The following RBM33 variants were observed in gnomAD, a reference collection of about 807,000 sequenced individuals.
The protein encoded by RBM33 is RNA-binding protein 33.
Under a neutral mutation model 132.6 loss-of-function variants are expected in RBM33, and 28 were observed. That is an observed-to-expected ratio of 0.21 (90% CI 0.16 to 0.29). The LOEUF (loss-of-function observed/expected upper bound fraction) is 0.29, where lower values mean the gene tolerates loss of function less well. Ranked by LOEUF, RBM33 falls within the 10% of genes least tolerant of loss-of-function variation. The probability of loss-of-function intolerance (pLI) is 1.00; values close to 1 mark genes in which losing one functional copy is unlikely to be tolerated. For missense variants in RBM33, 1,291 were observed against 1,518.5 expected, an observed-to-expected ratio of 0.85 and a Z score of 2.49; for synonymous variants, 634 against 593.0, an observed-to-expected ratio of 1.07 and a Z score of -1.01.
rs1234804201 is a variant in RBM33, at chr7:155,775,916, C to CATG, written c.*877_*879dup. ...CCTGTTTATCACTGGCTCTGTGATA[C>CATG]ATGACATTCTTTGGGAATTTGGTGG... is the stretch of plus-strand genomic sequence containing the variant. On this transcript the variant is annotated 3_prime_UTR_variant, in exon 18 of 18. Coordinates refer to ENST00000401878, the MANE Select transcript of RBM33 (RefSeq NM_053043.3). 2 of 152,238 alleles carry CATG rather than the reference C, an allele frequency of 1.3e-5. No homozygotes were observed. Among genetic ancestry groups the CATG allele is most frequent in the Non-Finnish European group, 2.9e-5 (2 of 68,074 alleles). 9.4% of individuals were successfully genotyped at this position (152,238 alleles called of 1,614,324 possible).
At chr7:155,661,924 A>C (rs576233116) in intron 1 of RBM33, among the ~76,000 whole-genome samples, 3 of 151,874 alleles carry the variant, frequency 2.0e-5, no homozygotes, top group Non-Finnish European at 2.9e-5. Flanking sequence ...TTTCTTCCAT[A>C]TCTTGTAATT....
intron 13 of RBM33, 59 bp downstream of exon 13, chr7:155,742,165 T>C (rs989861372): frequency 5.4e-6 from 8 of 1,472,006 alleles, no homozygotes; most frequent in African/African-American, 2.8e-5. Flanking sequence ...TAGAATCAAC[T>C]TGGATGTCTT....
Position 155,728,238 on chromosome 7 carries a change from C to A in RBM33, c.1261-9292C>A, listed in dbSNP as rs543666706. ...CCGTCATGACTTCTTCCTGATTGGA[C>A]TGGATTTATCTACCATTCAGTTGCT... On this transcript the variant is annotated intron_variant, in intron 9 of 17. Coordinates refer to ENST00000401878, the MANE Select transcript of RBM33 (RefSeq NM_053043.3). Among the ~76,000 whole-genome samples, 6 of 152,288 alleles carry A rather than the reference C, an allele frequency of 3.9e-5. No individual in the cohort carries two copies. The South Asian group carries it at 1.2e-3, about 32-fold the overall frequency.
intron 3 of RBM33, among the ~76,000 whole-genome samples, chr7:155,675,789 C>T (rs933756874): frequency 6.6e-6 from 1 of 152,132 alleles, no homozygotes; most frequent in Non-Finnish European, 1.5e-5. Flanking sequence ...TTTAATGGTT[C>T]TTGTCTTGTA....
rs750565338 is a variant in RBM33, at chr7:155,739,930, G to A, written c.1953G>A (p.Pro651=). Residue 651 remains proline (P), a synonymous_variant, in exon 12 of 18, where the codon CCG becomes CCA. Coordinates refer to ENST00000401878, the MANE Select transcript of RBM33 (RefSeq NM_053043.3). ...HLSVPPPPLM[P]MSQPQFRPHV... ...CCGTCCCGCCCCCTCCTTTGATGCCGATGTCTCAGCCACAGTTCCGGCCTC... is the reference window on the plus strand; with the variant it reads ...CCGTCCCGCCCCCTCCTTTGATGCCAATGTCTCAGCCACAGTTCCGGCCTC... The A allele has an allele frequency of 1.9e-5, 30 of 1,551,404 alleles. No homozygotes were observed. Among genetic ancestry groups the A allele is most frequent in the Admixed American group, 5.9e-5 (3 of 50,848 alleles).
chr7:155,693,014 G>C (rs1036961796), intron 5 of RBM33, among the ~76,000 whole-genome samples: 8 of 152,152 alleles, frequency 5.3e-5, no homozygotes, highest in African/African-American at 1.9e-4. Flanking sequence ...TAAAGAGCAA[G>C]ATGATAGAAT....
chr7:155,718,332 G>T (rs1457944342), intron 8 of RBM33, 53 bp from the exon 9 acceptor site: 1 of 1,363,728 alleles, frequency 7.3e-7, no homozygotes, highest in African/African-American at 1.4e-5. Context: ...TGTCTTACAG[G>T]GGTTTGAGTG....
chr7:155,724,990 T>TTTTTTTG lies in RBM33; in HGVS notation c.1260+6548_1260+6549insTTTTTGT, dbSNP rs71186056. 9.8e-4 allele frequency among the ~76,000 whole-genome samples: 121 copies of TTTTTTTG among 123,364 alleles called. 2 individuals carry two copies. The highest frequency in any genetic ancestry group is 1.5e-3 in the Non-Finnish European group (89 of 59,738). The allele number at this position is 123,364 out of a possible 152,430, so 80.9% of individuals were successfully genotyped here. ...TTGCTGTAAACATTTGTGTACAGGT[T>TTTTTTTG]TGTGTGTGTGTGTGTGTGTGTGTGT... On this transcript the variant is annotated intron_variant, in intron 9 of 17. Transcript: ENST00000401878.
chr7:155,725,042 AT>A (rs955139187), intron 9 of RBM33, among the ~76,000 whole-genome samples: 71 of 140,600 alleles, frequency 5.0e-4, no homozygotes, highest in Non-Finnish European at 8.0e-4. Context: ...GTGTGTACAG[AT>A]TTTTTTTGTG....
intron 9 of RBM33, among the ~76,000 whole-genome samples, chr7:155,722,935 A>G (rs1450236298): frequency 6.6e-6 from 1 of 152,234 alleles, no homozygotes; most frequent in African/African-American, 2.4e-5. Flanking sequence ...GGGCTGCTGA[A>G]TAATTTCTTA....
chr7:155,654,306 C>T (rs760891441), intron 1 of RBM33, among the ~76,000 whole-genome samples: 9 of 152,142 alleles, frequency 5.9e-5, no homozygotes, highest in Non-Finnish European at 1.0e-4. Flanking sequence ...GTTTCTTCAC[C>T]GTGATGCTAA....
chr7:155,707,079 A>G lies in RBM33; in HGVS notation c.948+11A>G, dbSNP rs1387514015. 1 of 1,531,994 alleles carries G rather than the reference A, an allele frequency of 6.5e-7. No individual in the cohort carries two copies. Among genetic ancestry groups the G allele is most frequent in the Non-Finnish European group, 8.8e-7 (1 of 1,137,794 alleles). The allele number at this position is 1,531,994 out of a possible 1,614,324, so 94.9% of individuals were successfully genotyped here. A position where few individuals can be genotyped will look rare whatever the true frequency, so the allele number is the denominator to read the frequency against. On this transcript the variant is annotated intron_variant, in intron 7 of 17. Transcript: ENST00000401878. ...CAGCCTCCTGTCGTGGTAACTTCAG[A>G]TTTTCTTGTAGTAGCCCTAGAACTT...
intron 1 of RBM33, among the ~76,000 whole-genome samples, chr7:155,649,390 G>C (rs1399117266): frequency 6.6e-6 from 1 of 152,186 alleles, no homozygotes; most frequent in African/African-American, 2.4e-5. Flanking sequence ...CACATAGCAT[G>C]TGTTAGATAT....
At chr7:155,672,525 G>A (rs1798970325) in intron 2 of RBM33, among the ~76,000 whole-genome samples, 1 of 152,176 alleles carries the variant, frequency 6.6e-6, no homozygotes. Flanking sequence ...GGGAGGCCAA[G>A]GCAGGCGGAT....
rs972298807 is a variant in RBM33, at chr7:155,777,866, C to T, written c.*2825C>T. ...TCTGTGTATTATTTGTTCACAAATT[C>T]AAGAAGCTTAAAGGTCGTAAATATC... On this transcript the variant is annotated 3_prime_UTR_variant, in exon 18 of 18. Transcript: ENST00000401878. The T allele has an allele frequency of 6.6e-6, 1 of 152,588 alleles. No homozygotes were observed. Among genetic ancestry groups the T allele is most frequent in the Non-Finnish European group, 1.5e-5 (1 of 68,020 alleles). The allele number at this position is 152,588 out of a possible 1,614,324, so 9.5% of individuals were successfully genotyped here. A position where few individuals can be genotyped will look rare whatever the true frequency, so the allele number is the denominator to read the frequency against.
intron 7 of RBM33, among the ~76,000 whole-genome samples, chr7:155,708,389 A>T (rs1800177905): frequency 6.6e-6 from 1 of 152,194 alleles, no homozygotes; most frequent in South Asian, 2.1e-4. Flanking sequence ...CATATGTTGA[A>T]TAGCCATTTT....
At chr7:155,742,136 G>T in intron 13 of RBM33, 30 bp downstream of exon 13, 3 of 1,569,714 alleles carry the variant, frequency 1.9e-6, no homozygotes, top group Non-Finnish European at 2.6e-6. Context: ...AACAAATGTT[G>T]GTCTCAAACA....
intron 9 of RBM33, among the ~76,000 whole-genome samples, chr7:155,723,643 CT>C (rs1800688835): frequency 6.6e-6 from 1 of 152,170 alleles, no homozygotes; most frequent in Non-Finnish European, 1.5e-5. Context: ...TTCAGTAACC[CT>C]TTAACTTGCT....
chr7:155,707,235 T>G (rs987353543), intron 7 of RBM33, 167 bp downstream of exon 7: 1 of 726,028 alleles, frequency 1.4e-6, no homozygotes, highest in Non-Finnish European at 2.5e-6. Context: ...ATGTTGCATA[T>G]AGTCTTAGAA....
Sources: allele counts gnomAD v4.1 joint callset (sites outside exome capture counted in the v4.1 genomes callset), GRCh38; gene constraint gnomAD v4.1.1; transcripts MANE v1.5; gene names NCBI Gene and HGNC (gene_info 2026-07-23, HGNC 2026-07-21).